Variants in KCNH1 observed in about 807,000 individuals in gnomAD.
KCNH1 encodes potassium voltage-gated channel subfamily H member 1, also known as voltage-gated delayed rectifier potassium channel KCNH1.
In KCNH1, 27 loss-of-function variants were observed where a neutral mutation model predicts 69.2. The observed-to-expected ratio is 0.39, with a 90% CI of 0.29 to 0.54. KCNH1 has a LOEUF of 0.54. Among genes scored for constraint, KCNH1 ranks in the 20% least tolerant of loss-of-function variants. KCNH1 has a pLI of 0.68. For synonymous variants in KCNH1, 456 were observed against 487.7 expected, an observed-to-expected ratio of 0.93 and a Z score of 0.86; for missense variants, 798 against 1,261.6, an observed-to-expected ratio of 0.63 and a Z score of 5.57.
chr1:210,773,826 G>C (rs893643112), intron 10 of KCNH1, among the ~76,000 whole-genome samples: 5 of 152,174 alleles, frequency 3.3e-5, no homozygotes, highest in African/African-American at 1.2e-4. Context: ...GGTTCCCAGA[G>C]ATAGGGAACT....
intron 9 of KCNH1, among the ~76,000 whole-genome samples, chr1:210,783,811 G>A (rs562973070): frequency 4.1e-4 from 62 of 152,180 alleles, no homozygotes; most frequent in Non-Finnish European, 7.9e-4. Flanking sequence ...TTTCTTTTGG[G>A]TTTTTGTTGG....
At chr1:210,917,630 A>T (rs1445608899) in intron 7 of KCNH1, among the ~76,000 whole-genome samples, 3 of 152,184 alleles carry the variant, frequency 2.0e-5, no homozygotes, top group Admixed American at 6.5e-5. Flanking sequence ...CCATTTTCTA[A>T]ATGATCACTC....
intron 10 of KCNH1, among the ~76,000 whole-genome samples, chr1:210,750,676 G>C (rs1683262652): frequency 6.6e-6 from 1 of 152,032 alleles, no homozygotes; most frequent in African/African-American, 2.4e-5. Flanking sequence ...GGAATCAAAA[G>C]ATAAAGATAG....
chr1:210,976,471 G>A (rs373775702), intron 6 of KCNH1, among the ~76,000 whole-genome samples: 1 of 147,980 alleles, frequency 6.8e-6, no homozygotes, highest in African/African-American at 2.5e-5. Context: ...TGGAGAGGAT[G>A]TGGAGAAATA....
At chr1:210,934,008 A>G (rs991154128) in intron 6 of KCNH1, among the ~76,000 whole-genome samples, 16 of 152,228 alleles carry the variant, frequency 1.1e-4, no homozygotes, top group African/African-American at 3.9e-4. Flanking sequence ...CTAGACTCCT[A>G]TCTCTCACTA....
chr1:210,727,617 T>C (rs1218307437), intron 10 of KCNH1, among the ~76,000 whole-genome samples: 1 of 149,016 alleles, frequency 6.7e-6, no homozygotes, highest in Non-Finnish European at 1.5e-5. Context: ...TGTTCTGCCA[T>C]TAGATACACA....
chr1:210,874,425 T>A (rs143239761), intron 7 of KCNH1, among the ~76,000 whole-genome samples: 80 of 152,368 alleles, frequency 5.3e-4, no homozygotes, highest in African/African-American at 1.9e-3. Flanking sequence ...ATATAAGAAG[T>A]GGCCAATATT....
At chr1:210,973,580 G>A (rs902919818) in intron 6 of KCNH1, among the ~76,000 whole-genome samples, 6 of 152,062 alleles carry the variant, frequency 3.9e-5, no homozygotes, top group African/African-American at 1.4e-4. Flanking sequence ...TTGTTTAAAG[G>A]AAGGGAAAGT....
At chr1:210,966,751 C>T (rs1008240514) in intron 6 of KCNH1, among the ~76,000 whole-genome samples, 2 of 152,326 alleles carry the variant, frequency 1.3e-5, no homozygotes, top group Middle Eastern at 3.4e-3. Flanking sequence ...AATAGGAACG[C>T]TTTTACACTG....
intron 1 of KCNH1, among the ~76,000 whole-genome samples, chr1:211,122,418 C>T (rs1051042741): frequency 1.3e-5 from 2 of 152,086 alleles, no homozygotes; most frequent in South Asian, 2.1e-4. Flanking sequence ...GACAGTGTGG[C>T]GATTCCTCAA....
intron 7 of KCNH1, among the ~76,000 whole-genome samples, chr1:210,899,780 G>A (rs1167092487): frequency 6.6e-6 from 1 of 152,200 alleles, no homozygotes; most frequent in African/African-American, 2.4e-5. Flanking sequence ...AGGAGAATGA[G>A]CCTCAGAGAG....
chr1:210,838,697 A>C (rs1685338777), intron 7 of KCNH1, among the ~76,000 whole-genome samples: 1 of 152,222 alleles, frequency 6.6e-6, no homozygotes, highest in Non-Finnish European at 1.5e-5. Context: ...CAGCATCTAT[A>C]AGAAACTTAA....
chr1:210,841,748 A>G (rs1685415344), intron 7 of KCNH1, among the ~76,000 whole-genome samples: 1 of 152,154 alleles, frequency 6.6e-6, no homozygotes, highest in South Asian at 2.1e-4. Flanking sequence ...TCCCCTGTGT[A>G]TATACATAGG....
intron 6 of KCNH1, among the ~76,000 whole-genome samples, chr1:210,987,218 G>A (rs191016357): frequency 1.4e-4 from 22 of 152,116 alleles, no homozygotes; most frequent in South Asian, 4.2e-4. Context: ...CTTCTTTGCC[G>A]TGGGTTTGAA....
At chr1:211,095,082 T>G (rs1179298426) in intron 3 of KCNH1, among the ~76,000 whole-genome samples, 1 of 152,060 alleles carries the variant, frequency 6.6e-6, no homozygotes, top group Non-Finnish European at 1.5e-5. Context: ...CCTACAAGGG[T>G]CTCTCCTAGA....
At chr1:211,061,686 G>A (rs2102450229) in intron 5 of KCNH1, among the ~76,000 whole-genome samples, 1 of 152,122 alleles carries the variant, frequency 6.6e-6, no homozygotes, top group Middle Eastern at 3.4e-3. Flanking sequence ...CAAACAATCT[G>A]AAAAAGAAAT....
intron 4 of KCNH1, among the ~76,000 whole-genome samples, chr1:211,084,784 G>A (rs943076323): frequency 6.6e-6 from 1 of 152,204 alleles, no homozygotes; most frequent in Middle Eastern, 3.4e-3. Flanking sequence ...CTTTATAATG[G>A]CAATCATGCC....
intron 6 of KCNH1, among the ~76,000 whole-genome samples, chr1:210,967,147 G>A (rs968121022): frequency 2.0e-5 from 3 of 152,010 alleles, no homozygotes; most frequent in Non-Finnish European, 4.4e-5. Flanking sequence ...CACAGGGAGG[G>A]GAACATCACA....
At position 210,846,150 on chromosome 1, in the gene KCNH1, C is replaced by G. The variant is rs1201919937; in HGVS notation, c.1463-41984G>C. Among the ~76,000 whole-genome samples, 3 of 152,278 alleles carry G rather than the reference C, an allele frequency of 2.0e-5. 1 individual carries two copies. Among genetic ancestry groups the G allele is most frequent in the East Asian group, 1.9e-4 (1 of 5,186 alleles). On this transcript the variant is annotated intron_variant, in intron 7 of 10. Transcript: ENST00000271751. Reference sequence around the variant, plus strand: ...AATCAATATCATGAAAATGGCCGTACTTCCCAAGGTAATTTATAGATTCAA... The same window carrying G: ...AATCAATATCATGAAAATGGCCGTAGTTCCCAAGGTAATTTATAGATTCAA...
Sources: gnomAD v4.1 joint callset for allele counts (sites outside exome capture counted in the v4.1 genomes callset) on GRCh38, gnomAD v4.1.1 for gene constraint, MANE v1.5 for transcripts, NCBI Gene and HGNC (gene_info 2026-07-23, HGNC 2026-07-21) for gene names.